Variants in EBF1 observed in about 807,000 individuals in gnomAD.
EBF1 encodes EBF transcription factor 1.
EBF1 carries 10 observed loss-of-function variants against 68.4 expected under a neutral mutation model. The observed-to-expected ratio is 0.15, with a 90% CI of 0.09 to 0.25. The LOEUF is 0.25. EBF1 is among the 10% of genes least tolerant of loss of function. The pLI is 1.00. For synonymous variants in EBF1, 298 were observed against 299.8 expected (o/e 0.99, Z 0.06); for missense variants, 509 against 794.4 (o/e 0.64, Z 4.32).
At chr5:159,073,225 A>G (rs1480942625) in intron 6 of EBF1, among the ~76,000 whole-genome samples, 171 bp downstream of exon 6, 1 of 152,232 alleles carries the variant, frequency 6.6e-6, no homozygotes, top group Non-Finnish European at 1.5e-5. Context: ...CTCTAAAAGA[A>G]CATTCCATAT....
At chr5:158,701,168 C>T (rs1284429777) in intron 15 of EBF1, among the ~76,000 whole-genome samples, 1 of 152,124 alleles carries the variant, frequency 6.6e-6, no homozygotes, top group Non-Finnish European at 1.5e-5. Flanking sequence ...GCAAAAGGTG[C>T]AAGTCTACTT....
chr5:158,944,820 C>T lies in EBF1; in HGVS notation c.555-104710G>A, dbSNP rs551411132. ...TGATTTGCATTTCTCTAATGACCAG[C>T]GATGATGAGCTTTTATTCATATGTT... On this transcript the variant is annotated intron_variant, in intron 6 of 15. Transcript: ENST00000313708. 7.2e-5 allele frequency among the ~76,000 whole-genome samples: 11 copies of T among 152,210 alleles called. No homozygotes were observed. The East Asian group carries it at 1.4e-3, about 19-fold the overall frequency.
chr5:158,949,129 C>T (rs1312488668), intron 6 of EBF1, among the ~76,000 whole-genome samples: 1 of 152,134 alleles, frequency 6.6e-6, no homozygotes, highest in Non-Finnish European at 1.5e-5. Flanking sequence ...ATTTATATCC[C>T]CTTTTATACC....
intron 6 of EBF1, among the ~76,000 whole-genome samples, chr5:158,890,858 T>C (rs1343351922): frequency 6.6e-6 from 1 of 152,224 alleles, no homozygotes; most frequent in Non-Finnish European, 1.5e-5. Flanking sequence ...TTCTACCTCC[T>C]TTTAGCCAAG....
intron 6 of EBF1, among the ~76,000 whole-genome samples, chr5:158,914,746 C>T (rs566516915): frequency 2.2e-4 from 34 of 152,110 alleles, no homozygotes; most frequent in African/African-American, 3.4e-4. Context: ...ATGCCAGTAC[C>T]GAGTGCCAAA....
chr5:158,795,208 C>G (rs1196980789), intron 9 of EBF1, among the ~76,000 whole-genome samples: 2 of 152,146 alleles, frequency 1.3e-5, no homozygotes, highest in African/African-American at 2.4e-5. Flanking sequence ...GAAAACAACA[C>G]AAAGAAATAG....
chr5:159,004,009 C>T (rs1763068038), intron 6 of EBF1, among the ~76,000 whole-genome samples: 2 of 152,116 alleles, frequency 1.3e-5, no homozygotes, highest in South Asian at 2.1e-4. Context: ...GGGCACAGTG[C>T]CTCACAGCTG....
intron 6 of EBF1, among the ~76,000 whole-genome samples, chr5:159,036,442 G>A (rs1032940293): frequency 6.8e-6 from 1 of 146,628 alleles, no homozygotes; most frequent in African/African-American, 2.6e-5. Flanking sequence ...GCATGGTACT[G>A]GTACCAAAAC....
At chr5:158,918,862 T>C (rs572579558) in intron 6 of EBF1, among the ~76,000 whole-genome samples, 2 of 152,366 alleles carry the variant, frequency 1.3e-5, no homozygotes, top group African/African-American at 2.4e-5. Context: ...AGTCAGCCCA[T>C]GCATTCAGAA....
At chr5:159,098,460 G>A (rs1783040207) in intron 1 of EBF1, among the ~76,000 whole-genome samples, 1 of 152,262 alleles carries the variant, frequency 6.6e-6, no homozygotes, top group Non-Finnish European at 1.5e-5. Flanking sequence ...GAAAGACAGA[G>A]AGGGAGGGAA....
intron 6 of EBF1, among the ~76,000 whole-genome samples, chr5:158,913,685 G>A (rs1806501075): frequency 1.3e-5 from 2 of 152,172 alleles, no homozygotes; most frequent in South Asian, 4.1e-4. Context: ...GCAAGGCAGG[G>A]AGCAGGCCCT....
At chr5:158,825,796 C>T (rs950649478) in intron 7 of EBF1, among the ~76,000 whole-genome samples, 6 of 151,966 alleles carry the variant, frequency 3.9e-5, no homozygotes, top group East Asian at 1.9e-4. Context: ...GCAGCTAATA[C>T]GTTCCTCAAA....
intron 7 of EBF1, among the ~76,000 whole-genome samples, chr5:158,837,228 A>T (rs1424715699): frequency 6.6e-6 from 1 of 152,222 alleles, no homozygotes; most frequent in East Asian, 1.9e-4. Flanking sequence ...GGTAGAGGCC[A>T]GTGACACTGC....
chr5:158,909,956 T>TTAAAAAA lies in EBF1; in HGVS notation c.555-69847_555-69846insTTTTTTA, dbSNP rs772406186. 8.8e-3 allele frequency among the ~76,000 whole-genome samples: 410 copies of TTAAAAAA among 46,720 alleles called. 24 individuals are homozygous for TTAAAAAA. Among genetic ancestry groups the TTAAAAAA allele is most frequent in the African/African-American group, 0.029 (398 of 13,604 alleles). 30.7% of individuals were successfully genotyped at this position (46,720 alleles called of 152,430 possible). On this transcript the variant is annotated intron_variant, in intron 6 of 15. Transcript: ENST00000313708. ...TGGTGACAGAACGAGACTCTGTCTATAAAAAAAAAAAAAAAAAAAAAAAAA... is the reference window on the plus strand; with the variant it reads ...TGGTGACAGAACGAGACTCTGTCTATTAAAAAAAAAAAAAAAAAAAAAAAAAAAAAAA...
intron 6 of EBF1, among the ~76,000 whole-genome samples, chr5:159,056,673 TA>T (rs1297853738): frequency 6.6e-6 from 1 of 152,236 alleles, no homozygotes; most frequent in Non-Finnish European, 1.5e-5. Flanking sequence ...TTCAGAATTA[TA>T]TTCTGCAACA....
At chr5:159,011,446 A>T (rs1207435049) in intron 6 of EBF1, among the ~76,000 whole-genome samples, 2 of 152,098 alleles carry the variant, frequency 1.3e-5, no homozygotes. Flanking sequence ...TCCTATAAGG[A>T]CCTTCCCAGC....
chr5:159,071,876 C>T (rs773939965), intron 6 of EBF1, among the ~76,000 whole-genome samples: 5 of 152,070 alleles, frequency 3.3e-5, no homozygotes, highest in East Asian at 1.9e-4. Context: ...TCCTTTGATC[C>T]GTACACTTTC....
At chr5:158,973,909 CCT>C (rs1352340455) in intron 6 of EBF1, among the ~76,000 whole-genome samples, 40 of 152,166 alleles carry the variant, frequency 2.6e-4, no homozygotes, top group African/African-American at 8.9e-4. Flanking sequence ...GGGCCAGCTC[CCT>C]CAGTCTTTTG....
At chr5:158,851,842 G>A (rs1407093089) in intron 6 of EBF1, among the ~76,000 whole-genome samples, 1 of 90,946 alleles carries the variant, frequency 1.1e-5, no homozygotes, top group Non-Finnish European at 2.2e-5. Flanking sequence ...GACGGGAAGG[G>A]AAGAAGGGAA....
Sources: allele counts gnomAD v4.1 joint callset (sites outside exome capture counted in the v4.1 genomes callset), GRCh38; gene constraint gnomAD v4.1.1; transcripts MANE v1.5; gene names NCBI Gene and HGNC (gene_info 2026-07-23, HGNC 2026-07-21).